The following ASPRV1 variants were observed in gnomAD, a reference collection of about 807,000 sequenced individuals.
ASPRV1 encodes retroviral-like aspartic protease 1.
Under a neutral mutation model 11.0 loss-of-function variants are expected in ASPRV1, and 7 were observed. The observed-to-expected ratio is 0.64, with a 90% CI of 0.36 to 1.20. The LOEUF (loss-of-function observed/expected upper bound fraction) is 1.20. Among genes scored for constraint, ASPRV1 ranks in the 50% most tolerant of loss-of-function variants. The pLI is 0.02. For synonymous variants in ASPRV1, 136 were observed against 138.4 expected, an observed-to-expected ratio of 0.98 and a Z score of 0.12; for missense variants, 299 against 320.0, an observed-to-expected ratio of 0.93 and a Z score of 0.50.
chr2:69,961,526 G>C lies in ASPRV1; in HGVS notation c.-90C>G. 6.2e-7 allele frequency: 1 copy of C among 1,614,128 alleles called. No homozygotes were observed. The highest frequency in any genetic ancestry group is 8.5e-7 in the Non-Finnish European group (1 of 1,180,036). ...GTCGGCGCAATCACGCTGGAAAACG[G>C]GGCCTCTCGAAGCAGAGTGGGGATG... On this transcript the variant is annotated 5_prime_UTR_variant, in exon 1 of 1. Coordinates refer to ENST00000320256, the MANE Select transcript of ASPRV1 (RefSeq NM_152792.4).
the ASPRV1 span, among the ~76,000 whole-genome samples, chr2:70,048,049 C>T: frequency 7.4e-6 from 1 of 135,452 alleles, no homozygotes; most frequent in Non-Finnish European, 1.5e-5. Flanking sequence ...GCAGAGGTTG[C>T]AGTGAGCCGA....
chr2:69,993,748 T>C, the ASPRV1 span: 1 of 152,254 alleles, frequency 6.6e-6, no homozygotes, highest in Non-Finnish European at 1.5e-5. Flanking sequence ...GTCATCATTA[T>C]CCCTATGGAA....
At chr2:69,937,382 G>A in the ASPRV1 span, 13 of 1,607,410 alleles carry the variant, frequency 8.1e-6, no homozygotes, top group East Asian at 2.2e-5. Context: ...GGAGCGCTCC[G>A]ACTCCGACAG....
chr2:70,021,816 C>T, the ASPRV1 span, among the ~76,000 whole-genome samples: 3 of 151,832 alleles, frequency 2.0e-5, no homozygotes, highest in Non-Finnish European at 4.4e-5. Flanking sequence ...GATTCTCCTG[C>T]CTCAGCCTCC....
At chr2:70,040,662 C>T in the ASPRV1 span, among the ~76,000 whole-genome samples, 329 of 152,188 alleles carry the variant, frequency 2.2e-3, 2 homozygotes, top group Admixed American at 5.5e-3. Context: ...GGTGAAACTT[C>T]GTCTTTACTA....
the ASPRV1 span, among the ~76,000 whole-genome samples, chr2:69,936,327 A>AC: frequency 6.6e-6 from 1 of 151,862 alleles, no homozygotes; most frequent in African/African-American, 2.4e-5. Flanking sequence ...TAGACTATAC[A>AC]CCCCACGAGG....
At chr2:70,053,394 G>A in the ASPRV1 span, among the ~76,000 whole-genome samples, 1 of 152,028 alleles carries the variant, frequency 6.6e-6, no homozygotes, top group African/African-American at 2.4e-5. Context: ...GTGGAGGCAG[G>A]GCACTCAGGG....
chr2:70,001,779 A>G, the ASPRV1 span, among the ~76,000 whole-genome samples: 1 of 152,252 alleles, frequency 6.6e-6, no homozygotes, highest in African/African-American at 2.4e-5. Flanking sequence ...AATAATGATA[A>G]TAATAATAAG....
upstream of ASPRV1, chr2:69,963,453 G>C (rs1678206556): frequency 2.2e-6 from 1 of 456,646 alleles, no homozygotes. Context: ...AACTGATCCA[G>C]TGGTTTCCTG....
At chr2:70,037,319 A>G in the ASPRV1 span, among the ~76,000 whole-genome samples, 1 of 152,102 alleles carries the variant, frequency 6.6e-6, no homozygotes, top group Non-Finnish European at 1.5e-5. Flanking sequence ...GCCTGCCTCA[A>G]CTTCCTAAAG....
chr2:69,949,669 G>A, the ASPRV1 span, among the ~76,000 whole-genome samples: 2 of 152,140 alleles, frequency 1.3e-5, no homozygotes, highest in African/African-American at 2.4e-5. Flanking sequence ...GAATTGCATC[G>A]TTTTGTGCCT....
the ASPRV1 span, among the ~76,000 whole-genome samples, chr2:70,001,863 C>T: frequency 6.6e-6 from 1 of 151,942 alleles, no homozygotes; most frequent in Non-Finnish European, 1.5e-5. Flanking sequence ...AGAAGGGATT[C>T]GTTAAATCAT....
the ASPRV1 span, among the ~76,000 whole-genome samples, chr2:70,041,131 T>C: frequency 6.6e-6 from 1 of 152,206 alleles, no homozygotes; most frequent in Non-Finnish European, 1.5e-5. Context: ...AAGGTCATGG[T>C]CAAAGCTGAG....
the ASPRV1 span, among the ~76,000 whole-genome samples, chr2:70,011,344 A>C: frequency 6.6e-6 from 1 of 152,088 alleles, no homozygotes; most frequent in Non-Finnish European, 1.5e-5. Flanking sequence ...GGTTGAAAAC[A>C]GGGGGCAGGG....
chr2:70,055,258 C>T, the ASPRV1 span, among the ~76,000 whole-genome samples: 105 of 152,192 alleles, frequency 6.9e-4, no homozygotes, highest in African/African-American at 2.4e-3. Flanking sequence ...GAGCAGAGAT[C>T]GTGCCACTAC....
Position 69,961,386 on chromosome 2 carries a change from G to A in ASPRV1, c.51C>T (p.Phe17=), listed in dbSNP as rs1444801627. ...RSEEGRRQHA[F]VPEPFDGANV... is the part of the protein sequence containing the mutation. ...TGGCCCCATCAAAAGGTTCCGGGAC[G>A]AAGGCATGCTGCCGGCGGCCTTCCT... Residue 17 remains phenylalanine, a synonymous_variant, in exon 1 of 1, where the codon TTC becomes TTT. Coordinates refer to ENST00000320256, the MANE Select transcript of ASPRV1 (RefSeq NM_152792.4). 1.1e-5 allele frequency: 18 copies of A among 1,614,024 alleles called. No individual in the cohort carries two copies. The East Asian group carries it at 2.5e-4, about 22-fold the overall frequency.
At chr2:70,056,404 G>C in the ASPRV1 span, 1 of 151,966 alleles carries the variant, frequency 6.6e-6, no homozygotes, top group South Asian at 2.1e-4. Context: ...AGGAGATCGA[G>C]ACCATCCCGG....
chr2:70,027,259 CAAAAAAAAAAAA>C, the ASPRV1 span, among the ~76,000 whole-genome samples: 1 of 49,676 alleles, frequency 2.0e-5, no homozygotes, highest in South Asian at 8.4e-4. Context: ...CCCTGTCTCT[CAAAAAAAAAAAA>C]AAAAAAAAAA....
the ASPRV1 span, among the ~76,000 whole-genome samples, chr2:70,026,678 A>G: frequency 6.6e-6 from 1 of 152,114 alleles, no homozygotes; most frequent in Non-Finnish European, 1.5e-5. Context: ...AAAACTATAA[A>G]ACAATGATGA....
Sources: allele counts gnomAD v4.1 joint callset (sites outside exome capture counted in the v4.1 genomes callset), GRCh38; gene constraint gnomAD v4.1.1; transcripts MANE v1.5; gene names NCBI Gene and HGNC (gene_info 2026-07-23, HGNC 2026-07-21).